Variants in AHR observed in about 807,000 individuals in gnomAD.
AHR encodes the protein aryl hydrocarbon receptor.
AHR carries 40 observed loss-of-function variants against 86.8 expected under a neutral mutation model. The observed-to-expected ratio is 0.46, with a 90% CI of 0.36 to 0.60. The LOEUF (loss-of-function observed/expected upper bound fraction) is 0.60. AHR is among the 20% of genes least tolerant of loss of function. AHR has a pLI of 0.00. For missense variants in AHR, 1,001 were observed against 1,011.6 expected, an observed-to-expected ratio of 0.99 and a Z score of 0.14; for synonymous variants, 398 against 354.9, an observed-to-expected ratio of 1.12 and a Z score of -1.37.
intron 10 of AHR, among the ~76,000 whole-genome samples, chr7:17,341,875 C>T (rs1211811420): frequency 6.6e-6 from 1 of 151,992 alleles, no homozygotes; most frequent in Admixed American, 6.6e-5. Context: ...CTGCTGTGTA[C>T]AGTATGTTTA....
Position 17,310,128 on chromosome 7 carries a change from G to T in AHR, c.253+5G>T. The T allele has an allele frequency of 6.2e-7, 1 of 1,611,216 alleles. No individual in the cohort carries two copies. Among genetic ancestry groups the T allele is most frequent in the South Asian group, 1.1e-5 (1 of 90,954 alleles). On this transcript the variant is annotated splice_donor_5th_base_variant and intron_variant, in intron 2 of 10. Transcript: ENST00000242057. Reference sequence around the variant, plus strand: ...GAGCCAAGAGCTTCTTTGATGGTAAGACAGAAGGGTTTAATTTGTCTACAA... The same window carrying T: ...GAGCCAAGAGCTTCTTTGATGGTAATACAGAAGGGTTTAATTTGTCTACAA...
Position 17,334,091 on chromosome 7 carries a change from C to T in AHR, c.885C>T (p.Phe295=), listed in dbSNP as rs1446322622. 1 of 1,613,202 alleles carries T rather than the reference C, an allele frequency of 6.2e-7. No homozygotes were observed. Among genetic ancestry groups the T allele is most frequent in the East Asian group, 2.2e-5 (1 of 44,852 alleles). Residue 295 remains phenylalanine (F), a synonymous_variant, in exon 7 of 11, where the codon TTC becomes TTT. Coordinates refer to ENST00000242057, the MANE Select transcript of AHR (RefSeq NM_001621.5). ...TTAGAACCAAACACAAACTAGACTT[C>T]ACACCTATTGGTTGTGATGCCAAGT... The part of the protein sequence containing the change: ...FIFRTKHKLD[F]TPIGCDAKGR...
At chr7:17,305,890 G>C (rs1453874638) in intron 1 of AHR, among the ~76,000 whole-genome samples, 1 of 152,194 alleles carries the variant, frequency 6.6e-6, no homozygotes, top group East Asian at 1.9e-4. Context: ...ATTCAGACTG[G>C]CATTGGGCAT....
Position 17,339,348 on chromosome 7 carries a change from T to C in AHR, c.1523T>C (p.Ile508Thr), listed in dbSNP as rs750552628. Residue 508 changes from isoleucine to threonine, a missense_variant, in exon 10 of 11, where the codon ATC (isoleucine) becomes ACC (threonine). Ile to Thr is a moderately conservative substitution (Grantham distance 89). This residue lies in a region of AHR where 607 missense variants were observed against 543.1 expected (regional missense o/e 1.12). Coordinates refer to ENST00000242057, the MANE Select transcript of AHR (RefSeq NM_001621.5). ...ACTGCACCGATGGGAAATGATACTA[T>C]CCTGAAACATGAGCAAATTGACCAG... ...DNTAPMGNDT[I>T]LKHEQIDQPQ... The C allele has an allele frequency of 3.1e-6, 5 of 1,614,086 alleles. No individual in the cohort carries two copies. The African/African-American group carries it at 6.7e-5, about 22-fold the overall frequency.
At chr7:17,325,791 T>G (rs932728833) in intron 3 of AHR, among the ~76,000 whole-genome samples, 1 of 152,128 alleles carries the variant, frequency 6.6e-6, no homozygotes, top group South Asian at 2.1e-4. Flanking sequence ...TGGGGCCGTT[T>G]AGAGGCTGCA....
chr7:17,310,097 A>G lies in AHR; in HGVS notation c.227A>G (p.Tyr76Cys), dbSNP rs779613705. The change falls in exon 2 of 11, where the codon TAC (tyrosine) becomes TGC (cysteine). Residue 76 changes from tyrosine to cysteine, a missense_variant. This residue lies in a region of AHR where 394 missense variants were observed against 468.5 expected (regional missense o/e 0.84). Coordinates refer to ENST00000242057, the MANE Select transcript of AHR (RefSeq NM_001621.5). ...KLSVLRLSVS[Y>C]LRAKSFFDVA... ...TCAGTTCTTAGGCTCAGCGTCAGTT[A>G]CCTGAGAGCCAAGAGCTTCTTTGAT... 1 of 1,613,744 alleles carries G rather than the reference A, an allele frequency of 6.2e-7. No individual in the cohort carries two copies. The highest frequency in any genetic ancestry group is 1.7e-5 in the Admixed American group (1 of 59,988).
chr7:17,301,430 C>A (rs1357022732), intron 1 of AHR, among the ~76,000 whole-genome samples: 1 of 151,948 alleles, frequency 6.6e-6, no homozygotes, highest in Non-Finnish European at 1.5e-5. Context: ...GAAAATAGAT[C>A]TTGTTTTGAG....
chr7:17,339,922 C>T lies in AHR; in HGVS notation c.2097C>T (p.Asn699=), dbSNP rs1158558429. The T allele has an allele frequency of 2.5e-6, 4 of 1,614,168 alleles. No individual in the cohort carries two copies. Among genetic ancestry groups the T allele is most frequent in the East Asian group, 2.2e-5 (1 of 44,882 alleles). The part of the protein sequence containing the change: ...SEMDSMPYTQ[N]FISCNQPVLP... Reference sequence around the variant, plus strand: ...TGGATTCTATGCCTTATACACAGAACTTTATTTCCTGTAATCAGCCTGTAT... The same window carrying T: ...TGGATTCTATGCCTTATACACAGAATTTTATTTCCTGTAATCAGCCTGTAT... Residue 699 remains asparagine, a synonymous_variant, in exon 10 of 11, where the codon AAC becomes AAT. Transcript: ENST00000242057.
intron 2 of AHR, among the ~76,000 whole-genome samples, chr7:17,316,889 G>A (rs1036390110): frequency 5.3e-5 from 8 of 152,048 alleles, no homozygotes; most frequent in Non-Finnish European, 1.0e-4. Flanking sequence ...TTCAGTTAAC[G>A]AATCTTGTGT....
chr7:17,327,724 C>A, intron 3 of AHR, 35 bp from the exon 4 acceptor site: 2 of 1,201,864 alleles, frequency 1.7e-6, no homozygotes, highest in South Asian at 2.7e-5. Flanking sequence ...AATATTAAGT[C>A]ATATTACTAA....
Position 17,339,415 on chromosome 7 carries a change from C to G in AHR, c.1590C>G (p.Leu530=). 6.2e-7 allele frequency: 1 copy of G among 1,614,142 alleles called. No individual in the cohort carries two copies. Among genetic ancestry groups the G allele is most frequent in the Non-Finnish European group, 8.5e-7 (1 of 1,180,032 alleles). ...CATTTGCTGGAGGTCACCCAGGGCT[C>G]TTTCAAGATAGTAAAAACAGTGACT... The part of the protein sequence containing the change: ...VNSFAGGHPG[L]FQDSKNSDLY... The change falls in exon 10 of 11, where the codon CTC becomes CTG. Residue 530 remains leucine (L), a synonymous_variant. Transcript: ENST00000242057.
Position 17,343,040 on chromosome 7 carries a change from T to C in AHR, c.2523T>C (p.Asp841=). ...CGTCAGAAGCCAGACCTTTTCCTGA[T>C]TTGACATCCAGTGGATTCCTGTAAT... The part of the protein sequence containing the change: ...HHPSEARPFP[D]LTSSGFL Residue 841 remains aspartate (D), a synonymous_variant, in exon 11 of 11, where the codon GAT becomes GAC. Transcript: ENST00000242057. The C allele has an allele frequency of 6.2e-7, 1 of 1,613,948 alleles. No homozygotes were observed. The highest frequency in any genetic ancestry group is 8.5e-7 in the Non-Finnish European group (1 of 1,179,886).
At chr7:17,312,635 C>T (rs1413193900) in intron 2 of AHR, among the ~76,000 whole-genome samples, 2 of 152,124 alleles carry the variant, frequency 1.3e-5, no homozygotes, top group African/African-American at 4.8e-5. Context: ...GGGTTCATCA[C>T]GGAATTGTTA....
chr7:17,323,501 C>G (rs1782195457), intron 3 of AHR, among the ~76,000 whole-genome samples: 1 of 151,964 alleles, frequency 6.6e-6, no homozygotes, highest in Admixed American at 6.6e-5. Context: ...TTGATTCTCA[C>G]TTAAAATTCT....
intron 6 of AHR, among the ~76,000 whole-genome samples, chr7:17,332,882 AAACC>A (rs1782315430): frequency 6.6e-6 from 1 of 151,956 alleles, no homozygotes; most frequent in Non-Finnish European, 1.5e-5. Context: ...CTCACTGACT[AAACC>A]AAAGCAACTT....
Position 17,333,992 on chromosome 7 carries a change from G to A in AHR, c.786G>A (p.Gln262=), listed in dbSNP as rs1329922734. ...KGKDGSILPP[Q]LALFAIATPL... Reference sequence around the variant, plus strand: ...AAGATGGATCAATACTTCCACCTCAGTTGGCTTTGTTTGCGATAGCTACTC... The same window carrying A: ...AAGATGGATCAATACTTCCACCTCAATTGGCTTTGTTTGCGATAGCTACTC... Residue 262 remains glutamine, a synonymous_variant, in exon 7 of 11, where the codon CAG becomes CAA. Transcript: ENST00000242057. The A allele has an allele frequency of 6.2e-7, 1 of 1,613,334 alleles. No homozygotes were observed. Among genetic ancestry groups the A allele is most frequent in the East Asian group, 2.2e-5 (1 of 44,864 alleles).
intron 2 of AHR, 93 bp downstream of exon 2, chr7:17,310,216 G>A (rs777102027): frequency 1.6e-6 from 2 of 1,217,980 alleles, no homozygotes; most frequent in Admixed American, 2.4e-5. Context: ...ACAAAAATTA[G>A]CCGTATTTGG....
At chr7:17,328,621 G>C (rs1782253093) in intron 4 of AHR, among the ~76,000 whole-genome samples, 1 of 151,898 alleles carries the variant, frequency 6.6e-6, no homozygotes, top group Non-Finnish European at 1.5e-5. Context: ...TTCTGAATCA[G>C]TAGTTCACAG....
At chr7:17,340,573 T>A (rs1447419246) in intron 10 of AHR, among the ~76,000 whole-genome samples, 2 of 152,236 alleles carry the variant, frequency 1.3e-5, no homozygotes, top group Non-Finnish European at 2.9e-5. Context: ...TTCTGGATTC[T>A]TTAAAAATTA....
Sources: allele counts gnomAD v4.1 joint callset (sites outside exome capture counted in the v4.1 genomes callset), GRCh38; gene constraint gnomAD v4.1.1; regional missense constraint gnomAD v4.1.1; transcripts MANE v1.5; gene names NCBI Gene and HGNC (gene_info 2026-07-23, HGNC 2026-07-21).